Variants in YME1L1 observed in about 807,000 individuals in gnomAD.
The protein encoded by YME1L1 is ATP-dependent zinc metalloprotease YME1L1.
A neutral mutation model predicts 90.4 loss-of-function variants in YME1L1; 39 were observed. The observed-to-expected ratio is 0.43, with a 90% CI of 0.33 to 0.56. YME1L1 has a LOEUF of 0.56. Ranked by LOEUF, YME1L1 falls within the 20% of genes least tolerant of loss-of-function variation. The pLI is 0.03. For missense variants in YME1L1, 617 were observed against 868.4 expected, an observed-to-expected ratio of 0.71 and a Z score of 3.64; for synonymous variants, 284 against 287.3, an observed-to-expected ratio of 0.99 and a Z score of 0.12.
At position 27,110,245 on chromosome 10, in the gene YME1L1, G is replaced by C. The variant is rs1171873243; in HGVS notation, c.*1732C>G. 1 of 152,096 alleles carries C rather than the reference G, an allele frequency of 6.6e-6. No individual in the cohort carries two copies. The highest frequency in any genetic ancestry group is 1.5e-5 in the Non-Finnish European group (1 of 68,014). 9.4% of individuals were successfully genotyped at this position (152,096 alleles called of 1,614,324 possible). On this transcript the variant is annotated 3_prime_UTR_variant, in exon 19 of 19. Coordinates refer to ENST00000376016, the MANE Select transcript of YME1L1 (RefSeq NM_014263.4). The stretch of plus-strand genomic sequence containing the variant: ...ACAGAGAGGGAGACAGAACAGGTTT[G>C]GGGCAATAAAAAACGGGCAGAATGA...
At chr10:27,116,849 G>A (rs542328012) in intron 15 of YME1L1, among the ~76,000 whole-genome samples, 52 of 151,856 alleles carry the variant, frequency 3.4e-4, no homozygotes, top group Non-Finnish European at 2.5e-4. Flanking sequence ...GCAACATCGC[G>A]AGACTCCATC....
chr10:27,123,277 T>A (rs1211543924), intron 10 of YME1L1, among the ~76,000 whole-genome samples: 1 of 151,986 alleles, frequency 6.6e-6, no homozygotes, highest in Non-Finnish European at 1.5e-5. Flanking sequence ...ATGAATAAAA[T>A]GAAAAAACAC....
chr10:27,142,952 C>G (rs1162337552), intron 3 of YME1L1, among the ~76,000 whole-genome samples: 1 of 152,106 alleles, frequency 6.6e-6, no homozygotes, highest in Non-Finnish European at 1.5e-5. Flanking sequence ...CTCCTGACCT[C>G]CTGATCTGCC....
intron 1 of YME1L1, chr10:27,153,173 T>G (rs1205040680): frequency 2.1e-6 from 1 of 470,614 alleles, no homozygotes; most frequent in Non-Finnish European, 4.4e-6. Context: ...TAAGTCCTAC[T>G]CATATTTACT....
rs1377402866 is a variant in YME1L1 at position 27,116,336 on chromosome 10, A to T, written c.1729T>A (p.Leu577Ile). 1.9e-6 allele frequency: 3 copies of T among 1,614,082 alleles called. No individual in the cohort carries two copies. Among genetic ancestry groups the T allele is most frequent in the Non-Finnish European group, 2.5e-6 (3 of 1,180,016 alleles). The change falls in exon 16 of 19, where the codon TTA becomes ATA. Residue 577 changes from leucine (L) to isoleucine (I), a missense_variant. This residue lies in a region of YME1L1 where 212 missense variants were observed against 330.0 expected (regional missense o/e 0.64). Coordinates refer to ENST00000376016, the MANE Select transcript of YME1L1 (RefSeq NM_014263.4). ...TCATTCCATCTGTCATTCTCAGGTA[A>T]CAGGGACACCTAGACAATTAAAAAT... ...RGPTLGHVSL[L>I]PENDRWNETR...
At chr10:27,153,412 T>C (rs2057254700) in intron 1 of YME1L1, 2 of 333,264 alleles carry the variant, frequency 6.0e-6, no homozygotes, top group Admixed American at 3.9e-5. Flanking sequence ...AAAAACTCAA[T>C]GTTTTAAAAA....
At chr10:27,114,698 C>G (rs1465952164) in intron 17 of YME1L1, 91 bp from the exon 18 acceptor site, 4 of 885,968 alleles carry the variant, frequency 4.5e-6, no homozygotes, top group Non-Finnish European at 6.9e-6. Context: ...TATAAGGAAA[C>G]AAATATATGG....
chr10:27,142,500 C>A lies in YME1L1; in HGVS notation c.332-15G>T. The stretch of plus-strand genomic sequence containing the variant: ...ATCTAAGTTACCTGGAGGGAAATTG[C>A]AAAAAGTAAATTTTCTAATTTCCAA... On this transcript the variant is annotated splice_polypyrimidine_tract_variant and intron_variant, in intron 3 of 18. Transcript: ENST00000376016. 1 of 1,360,328 alleles carries A rather than the reference C, an allele frequency of 7.4e-7. No homozygotes were observed. The highest frequency in any genetic ancestry group is 2.7e-5 in the East Asian group (1 of 37,124). 84.3% of individuals were successfully genotyped at this position (1,360,328 alleles called of 1,614,324 possible).
At chr10:27,124,768 T>G (rs2056900196) in intron 9 of YME1L1, among the ~76,000 whole-genome samples, 1 of 152,194 alleles carries the variant, frequency 6.6e-6, no homozygotes, top group Non-Finnish European at 1.5e-5. Context: ...ACATTCACTC[T>G]GTGATGTTTA....
intron 8 of YME1L1, among the ~76,000 whole-genome samples, chr10:27,129,005 G>C (rs1196565783): frequency 7.2e-6 from 1 of 138,718 alleles, no homozygotes; most frequent in East Asian, 2.3e-4. Context: ...AGTATCACTT[G>C]AGCCCAGAAG....
chr10:27,134,267 G>T, intron 6 of YME1L1, 145 bp from the exon 7 acceptor site: 1 of 697,262 alleles, frequency 1.4e-6, no homozygotes, highest in South Asian at 2.0e-5. Context: ...CAACTGCTAT[G>T]ATTTCCTGTA....
intron 3 of YME1L1, among the ~76,000 whole-genome samples, chr10:27,145,156 G>A (rs2057129274): frequency 6.6e-6 from 1 of 151,914 alleles, no homozygotes; most frequent in Non-Finnish European, 1.5e-5. Flanking sequence ...AAAAATTATT[G>A]TACCAATGTT....
At position 27,114,544 on chromosome 10, in the gene YME1L1, G is replaced by T. The variant is rs1318930522; in HGVS notation, c.1984C>A (p.Gln662Lys). 6.2e-7 allele frequency: 1 copy of T among 1,613,758 alleles called. No homozygotes were observed. Among genetic ancestry groups the T allele is most frequent in the South Asian group, 1.1e-5 (1 of 91,062 alleles). Reference sequence around the variant, plus strand: ...ACCCTTAGAAGGATTCTTATTTCTTGTTCGATGGCAGATTGGGTTTCTGGA... The same window carrying T: ...ACCCTTAGAAGGATTCTTATTTCTTTTTCGATGGCAGATTGGGTTTCTGGA... ...LSPETQSAIEQEIRILLRDSY... is the reference protein window; with the variant it reads ...LSPETQSAIEKEIRILLRDSY... The change falls in exon 18 of 19, where the codon CAA becomes AAA. Residue 662 changes from glutamine (Q) to lysine (K), a missense_variant. Physicochemically the swap from Gln to Lys is moderately conservative, Grantham distance 53 (BLOSUM62 1). Around this residue, in one of 4 missense-constraint regions of YME1L1, gnomAD observed 212 missense variants for 330.0 expected, o/e 0.64. Transcript: ENST00000376016.
intron 17 of YME1L1, among the ~76,000 whole-genome samples, chr10:27,114,922 G>C (rs2135838352): frequency 6.6e-6 from 1 of 152,316 alleles, no homozygotes; most frequent in African/African-American, 2.4e-5. Flanking sequence ...AGCTACTCAG[G>C]AGGCTGAGGC....
chr10:27,142,295 G>A (rs1335781458), intron 4 of YME1L1, 92 bp downstream of exon 4: 1 of 717,116 alleles, frequency 1.4e-6, no homozygotes, highest in Admixed American at 3.1e-5. Context: ...AATTGCAAAT[G>A]AATGTTTAGA....
Position 27,121,378 on chromosome 10 carries a change from A to G in YME1L1, c.1298+8T>C. On this transcript the variant is annotated splice_region_variant and intron_variant, in intron 12 of 18. Coordinates refer to ENST00000376016, the MANE Select transcript of YME1L1 (RefSeq NM_014263.4). ...AGTACTTCACAAAAATCTTCTTTTA[A>G]TACTTACTTATCTAATGCCTCTGGG... is the stretch of plus-strand genomic sequence containing the variant. 1.3e-6 allele frequency: 2 copies of G among 1,595,324 alleles called. No individual in the cohort carries two copies. Among genetic ancestry groups the G allele is most frequent in the East Asian group, 4.5e-5 (2 of 44,756 alleles).
intron 2 of YME1L1, 60 bp from the exon 3 acceptor site, chr10:27,145,650 A>G: frequency 7.4e-7 from 1 of 1,353,198 alleles, no homozygotes; most frequent in Non-Finnish European, 1.0e-6. Flanking sequence ...TAACCTAAGG[A>G]GTACATATTA....
chr10:27,118,288 A>G (rs905430183), intron 14 of YME1L1, among the ~76,000 whole-genome samples: 12 of 148,922 alleles, frequency 8.1e-5, no homozygotes, highest in African/African-American at 3.1e-4. Context: ...AGTAATTTTT[A>G]GTAATTTTGT....
chr10:27,121,189 T>C (rs2056863966), intron 12 of YME1L1, among the ~76,000 whole-genome samples, 197 bp downstream of exon 12: 1 of 152,118 alleles, frequency 6.6e-6, no homozygotes, highest in Non-Finnish European at 1.5e-5. Flanking sequence ...AAATCCCATA[T>C]CCAATGACAG....
Sources: allele counts gnomAD v4.1 joint callset (sites outside exome capture counted in the v4.1 genomes callset), GRCh38; gene constraint gnomAD v4.1.1; regional missense constraint gnomAD v4.1.1; transcripts MANE v1.5; gene names NCBI Gene and HGNC (gene_info 2026-07-23, HGNC 2026-07-21).